The following NELL1 variants were observed in gnomAD, a reference collection of about 807,000 sequenced individuals.
NELL1 encodes neural EGFL like 1, also known as protein kinase C-binding protein NELL1.
In NELL1, 76 loss-of-function variants were observed where a neutral mutation model predicts 107.4. That is an observed-to-expected ratio of 0.71 (90% CI 0.59 to 0.86). NELL1 has a LOEUF of 0.86. Among genes scored for constraint, NELL1 ranks in the 40% least tolerant of loss-of-function variants. The pLI, the probability that NELL1 is intolerant of heterozygous loss-of-function variation, is 0.00. For synonymous variants in NELL1, 353 were observed against 341.2 expected (o/e 1.03, Z -0.38); for missense variants, 1,024 against 1,005.5 (o/e 1.02, Z -0.25).
chr11:21,019,428 T>C (rs141607359), intron 12 of NELL1, among the ~76,000 whole-genome samples: 5 of 152,236 alleles, frequency 3.3e-5, no homozygotes, highest in South Asian at 2.1e-4. Flanking sequence ...CAGTATGGTA[T>C]ACTCTGATGG....
chr11:20,700,254 G>A (rs1419305202), intron 2 of NELL1, among the ~76,000 whole-genome samples: 1 of 152,192 alleles, frequency 6.6e-6, no homozygotes, highest in Non-Finnish European at 1.5e-5. Flanking sequence ...GCCAAGGCAG[G>A]TGGATCATGA....
At chr11:21,464,772 A>G (rs943222687) in intron 15 of NELL1, among the ~76,000 whole-genome samples, 1 of 152,082 alleles carries the variant, frequency 6.6e-6, no homozygotes, top group African/African-American at 2.4e-5. Context: ...AAAATCTGAA[A>G]TTCATTATTA....
chr11:21,521,720 C>T (rs1393549653), intron 15 of NELL1, among the ~76,000 whole-genome samples: 3 of 152,056 alleles, frequency 2.0e-5, no homozygotes, highest in Admixed American at 2.0e-4. Context: ...TTTACATTCC[C>T]ATCAACAGTG....
At position 21,575,102 on chromosome 11, in the gene NELL1, G is replaced by GT. The variant is rs1248794553; in HGVS notation, c.*87dup. ...ATTAAGGATAGGAATCGGTAGTTTG[G>GT]TTTTTTTGTTTGTTTTGTTTTTTTA... On this transcript the variant is annotated 3_prime_UTR_variant, in exon 20 of 20. Coordinates refer to ENST00000357134, the MANE Select transcript of NELL1 (RefSeq NM_006157.5). The GT allele has an allele frequency of 1.2e-5, 15 of 1,287,362 alleles. No individual in the cohort carries two copies. The highest frequency in any genetic ancestry group is 1.8e-5 in the Admixed American group (1 of 56,334). The allele number at this position is 1,287,362 out of a possible 1,614,324, so 79.7% of individuals were successfully genotyped here.
At chr11:20,687,993 A>G (rs1854350817) in intron 2 of NELL1, among the ~76,000 whole-genome samples, 1 of 152,076 alleles carries the variant, frequency 6.6e-6, no homozygotes, top group Non-Finnish European at 1.5e-5. Flanking sequence ...GAATCCCTAT[A>G]ATGCTTAATG....
At chr11:21,209,500 T>C (rs979959912) in intron 13 of NELL1, among the ~76,000 whole-genome samples, 2 of 151,900 alleles carry the variant, frequency 1.3e-5, no homozygotes, top group Non-Finnish European at 2.9e-5. Flanking sequence ...AGTATAACTT[T>C]TGATGAGTTT....
intron 13 of NELL1, among the ~76,000 whole-genome samples, chr11:21,162,578 T>C (rs1856396439): frequency 6.6e-6 from 1 of 152,206 alleles, no homozygotes; most frequent in Admixed American, 6.5e-5. Flanking sequence ...TCCTATGTCA[T>C]AGAAGAAAAG....
At chr11:21,260,287 G>A (rs1193948474) in intron 14 of NELL1, 1 of 151,776 alleles carries the variant, frequency 6.6e-6, no homozygotes, top group Non-Finnish European at 1.5e-5. Flanking sequence ...TCTTCTGCTG[G>A]TAATTATATT....
At position 21,342,411 on chromosome 11, in the gene NELL1, T is replaced by TTGG. The variant is rs1555007303; in HGVS notation, c.1550-28442_1550-28441insTGG. Among the ~76,000 whole-genome samples, 19 of 74,112 alleles carry TTGG rather than the reference T, an allele frequency of 2.6e-4. No homozygotes were observed. In the South Asian group the frequency reaches 5.2e-3, roughly 20 times the overall value. 48.6% of individuals were successfully genotyped at this position (74,112 alleles called of 152,430 possible). A position where few individuals can be genotyped will look rare whatever the true frequency, so the allele number is the denominator to read the frequency against. ...ATCCCAGTGCTTTGAGAGGCTTAAG[T>TTGG]GGGGGGGGGGGTCACTTGAGGCCAG... is the stretch of plus-strand genomic sequence containing the variant. On this transcript the variant is annotated intron_variant, in intron 14 of 19. Transcript: ENST00000357134.
chr11:20,732,976 C>T (rs922494532), intron 2 of NELL1, among the ~76,000 whole-genome samples: 1 of 152,030 alleles, frequency 6.6e-6, no homozygotes, highest in Non-Finnish European at 1.5e-5. Flanking sequence ...GGATTCAAAC[C>T]CTCGCTTTGT....
At chr11:20,974,774 C>T (rs1464018869) in intron 12 of NELL1, among the ~76,000 whole-genome samples, 1 of 152,116 alleles carries the variant, frequency 6.6e-6, no homozygotes, top group Non-Finnish European at 1.5e-5. Flanking sequence ...GCTTCAGTAT[C>T]TCTATTGGTC....
At chr11:21,263,517 G>A (rs1791828) in intron 14 of NELL1, among the ~76,000 whole-genome samples, 136,088 of 152,006 alleles carry the variant, frequency 0.9, 61,148 homozygotes, top group Non-Finnish European at 0.93. Context: ...CTGATTTCCC[G>A]GTATTCAATA....
At chr11:20,951,617 G>C (rs1590454787) in intron 11 of NELL1, among the ~76,000 whole-genome samples, 1 of 152,036 alleles carries the variant, frequency 6.6e-6, no homozygotes, top group Non-Finnish European at 1.5e-5. Context: ...GTAAACAGGG[G>C]GTTTAATCCA....
intron 14 of NELL1, among the ~76,000 whole-genome samples, chr11:21,313,027 G>A (rs1234428973): frequency 3.3e-5 from 5 of 150,776 alleles, no homozygotes; most frequent in African/African-American, 1.2e-4. Flanking sequence ...AATGAGCCAA[G>A]ATCATGCCAC....
At chr11:21,263,190 T>C (rs1336188515) in intron 14 of NELL1, among the ~76,000 whole-genome samples, 3 of 151,908 alleles carry the variant, frequency 2.0e-5, no homozygotes, top group Non-Finnish European at 4.4e-5. Flanking sequence ...TCCTTCTTCT[T>C]GGGTTTGTCT....
intron 3 of NELL1, among the ~76,000 whole-genome samples, chr11:20,836,039 G>A (rs571215510): frequency 4.6e-5 from 7 of 151,784 alleles, no homozygotes; most frequent in Non-Finnish European, 8.8e-5. Flanking sequence ...TTTGAGGAAG[G>A]ATTTATATCC....
chr11:20,740,437 T>C (rs10766720), intron 2 of NELL1, among the ~76,000 whole-genome samples: 96,358 of 151,976 alleles, frequency 0.63, 30,814 homozygotes, highest in Middle Eastern at 0.76. Flanking sequence ...CTCCTCTCCT[T>C]TGGGGCATTT....
intron 2 of NELL1, among the ~76,000 whole-genome samples, chr11:20,681,841 TGG>T (rs1854196918): frequency 6.6e-6 from 1 of 152,188 alleles, no homozygotes; most frequent in South Asian, 2.1e-4. Context: ...CCACATTCCT[TGG>T]CTCATGGCTG....
At chr11:21,114,436 C>G (rs1855183483) in intron 13 of NELL1, among the ~76,000 whole-genome samples, 1 of 151,898 alleles carries the variant, frequency 6.6e-6, no homozygotes, top group South Asian at 2.1e-4. Context: ...CCCTTGAACC[C>G]AAGATTTCAA....
Sources: allele counts gnomAD v4.1 joint callset (sites outside exome capture counted in the v4.1 genomes callset), GRCh38; gene constraint gnomAD v4.1.1; transcripts MANE v1.5; gene names NCBI Gene and HGNC (gene_info 2026-07-23, HGNC 2026-07-21).